The following PDE1A variants were observed in gnomAD, a reference collection of about 807,000 sequenced individuals.
The protein encoded by PDE1A is phosphodiesterase 1A.
In PDE1A, 35 loss-of-function variants were observed where a neutral mutation model predicts 61.7. The observed-to-expected ratio is 0.57, with a 90% CI of 0.43 to 0.75. The LOEUF is 0.75. PDE1A is among the 30% of genes least tolerant of loss of function. The pLI, the probability that PDE1A is intolerant of heterozygous loss-of-function variation, is 0.00. For missense variants in PDE1A, 597 were observed against 630.6 expected, an observed-to-expected ratio of 0.95 and a Z score of 0.57; for synonymous variants, 232 against 213.2, an observed-to-expected ratio of 1.09 and a Z score of -0.77.
chr2:182,669,768 G>C, the PDE1A span, among the ~76,000 whole-genome samples: 1 of 152,164 alleles, frequency 6.6e-6, no homozygotes, highest in South Asian at 2.1e-4. Flanking sequence ...CCATGTGTAT[G>C]GTAAACACCC....
chr2:182,373,058 CACG>C (rs2125256235), intron 1 of PDE1A, among the ~76,000 whole-genome samples: 1 of 152,336 alleles, frequency 6.6e-6, no homozygotes, highest in African/African-American at 2.4e-5. Context: ...TGAGCAGTTT[CACG>C]ACCTCACATA....
chr2:182,613,471 G>A, the PDE1A span, among the ~76,000 whole-genome samples: 10 of 151,688 alleles, frequency 6.6e-5, no homozygotes, highest in South Asian at 2.1e-4. Flanking sequence ...GCTGAGGCAG[G>A]AGAATTGCGT....
intron 1 of PDE1A, among the ~76,000 whole-genome samples, chr2:182,277,284 C>T (rs1012422557): frequency 6.6e-6 from 1 of 152,030 alleles, no homozygotes; most frequent in Non-Finnish European, 1.5e-5. Flanking sequence ...CCCCTGGAGT[C>T]CCAGCTGTAA....
At chr2:182,424,346 A>G (rs1425264493) in intron 1 of PDE1A, among the ~76,000 whole-genome samples, 1 of 152,208 alleles carries the variant, frequency 6.6e-6, no homozygotes, top group East Asian at 1.9e-4. Context: ...CCCCACTAGC[A>G]CACAAAACAC....
At chr2:182,608,742 G>C in the PDE1A span, among the ~76,000 whole-genome samples, 2 of 152,242 alleles carry the variant, frequency 1.3e-5, no homozygotes, top group African/African-American at 4.8e-5. Context: ...CTGCTCCACG[G>C]CGCCCAGTCC....
rs12616751 is a variant in PDE1A, at chr2:182,311,797, T to G, written c.54-47383A>C. Among the ~76,000 whole-genome samples the G allele has an allele frequency of 9.3e-4, 142 of 152,280 alleles. 3 individuals carry two copies. In the East Asian group the frequency reaches 0.024, roughly 26 times the overall value. Reference sequence around the variant, plus strand: ...TTTCTCTTGGATAAATACCTACGAATGGAAGGGTTGGATTGCATATTAGGT... The same window carrying G: ...TTTCTCTTGGATAAATACCTACGAAGGGAAGGGTTGGATTGCATATTAGGT... On this transcript the variant is annotated intron_variant, in intron 1 of 13. Transcript: ENST00000351439.
intron 1 of PDE1A, among the ~76,000 whole-genome samples, chr2:182,371,059 G>A (rs1459837572): frequency 5.9e-5 from 9 of 152,158 alleles, no homozygotes; most frequent in East Asian, 1.9e-4. Context: ...CAGAGGTATA[G>A]GCTAGGCAGA....
At chr2:182,485,446 C>CACCCAGGTATTAAG (rs1687956421) in intron 2 of PDE1A, among the ~76,000 whole-genome samples, 1 of 151,998 alleles carries the variant, frequency 6.6e-6, no homozygotes, top group South Asian at 2.1e-4. Context: ...ATGAAATAAT[C>CACCCAGGTATTAAG]TGTACAACAA....
Position 182,196,782 on chromosome 2 carries a change from T to C in PDE1A, c.1125+4657A>G, listed in dbSNP as rs1686169529. Among the ~76,000 whole-genome samples the C allele has an allele frequency of 3.3e-5, 5 of 151,042 alleles. No individual in the cohort carries two copies. In the South Asian group the frequency reaches 6.2e-4, roughly 19 times the overall value. The stretch of plus-strand genomic sequence containing the variant: ...TTTTTCATTGTTGCTGGATATTCCA[T>C]TGTATGACTGTACCATGATTTATTT... On this transcript the variant is annotated intron_variant, in intron 10 of 13. Transcript: ENST00000351439.
chr2:182,398,302 T>C (rs1052239271), intron 1 of PDE1A, among the ~76,000 whole-genome samples: 30 of 152,082 alleles, frequency 2.0e-4, no homozygotes, highest in Admixed American at 1.6e-3. Context: ...ACTGTCAACG[T>C]TAAATATACA....
intron 2 of PDE1A, among the ~76,000 whole-genome samples, chr2:182,468,044 C>CT (rs902359667): frequency 6.6e-6 from 1 of 151,976 alleles, no homozygotes; most frequent in Non-Finnish European, 1.5e-5. Flanking sequence ...GAATCATACT[C>CT]TTTTTCCTGG....
rs1688290485 is a variant in PDE1A, at chr2:182,490,193, C to T, written c.101+32083G>A. On this transcript the variant is annotated intron_variant, in intron 2 of 14. Coordinates refer to the PDE1A transcript ENST00000410103. ...TATGGAGGCCATCAATGACTTTTAA[C>T]AACAGCAGTTTCAGTGTAGAAAGGG... is the stretch of plus-strand genomic sequence containing the variant. 2.0e-5 allele frequency among the ~76,000 whole-genome samples: 3 copies of T among 152,076 alleles called. No individual in the cohort carries two copies. The South Asian group carries it at 6.2e-4, about 32-fold the overall frequency.
chr2:182,454,114 T>C (rs1344976745), intron 2 of PDE1A, among the ~76,000 whole-genome samples: 2 of 152,234 alleles, frequency 1.3e-5, no homozygotes, highest in Non-Finnish European at 2.9e-5. Context: ...AGCATTCTTA[T>C]ACACGAATAA....
chr2:182,365,685 ATTG>A (rs1699797517), intron 1 of PDE1A, among the ~76,000 whole-genome samples: 1 of 151,902 alleles, frequency 6.6e-6, no homozygotes, highest in African/African-American at 2.4e-5. Context: ...TAGAATTAAT[ATTG>A]TTTAGACTTG....
chr2:182,574,549 T>TAA, the PDE1A span, among the ~76,000 whole-genome samples: 1 of 152,160 alleles, frequency 6.6e-6, no homozygotes, highest in Non-Finnish European at 1.5e-5. Context: ...TAACAATACT[T>TAA]AAATGCTGAT....
At chr2:182,394,419 C>T (rs1701588135) in intron 1 of PDE1A, among the ~76,000 whole-genome samples, 1 of 152,140 alleles carries the variant, frequency 6.6e-6, no homozygotes, top group Non-Finnish European at 1.5e-5. Flanking sequence ...TCAATTACCT[C>T]CCACCAAGTC....
chr2:182,627,242 A>AATATATAAATAATATATTATTTAT, the PDE1A span, among the ~76,000 whole-genome samples: 1 of 52,908 alleles, frequency 1.9e-5, no homozygotes, highest in African/African-American at 7.9e-5. Context: ...TTATATATAA[A>AATATATAAATAATATATTATTTAT]ATATAAATAA....
chr2:182,623,625 G>A, the PDE1A span, among the ~76,000 whole-genome samples: 2 of 152,188 alleles, frequency 1.3e-5, no homozygotes, highest in Non-Finnish European at 2.9e-5. Flanking sequence ...TAGATATAAA[G>A]AGAGAGCCTT....
chr2:182,676,583 G>T, the PDE1A span, among the ~76,000 whole-genome samples: 1 of 152,102 alleles, frequency 6.6e-6, no homozygotes, highest in African/African-American at 2.4e-5. Flanking sequence ...GCATCATCCT[G>T]ATACCAAAAT....
Sources: gnomAD v4.1 joint callset for allele counts (sites outside exome capture counted in the v4.1 genomes callset) on GRCh38, gnomAD v4.1.1 for gene constraint, MANE v1.5 for transcripts, NCBI Gene and HGNC (gene_info 2026-07-23, HGNC 2026-07-21) for gene names.